Variants in VEPH1 observed in about 807,000 individuals in gnomAD.
The protein encoded by VEPH1 is ventricular zone-expressed PH domain-containing protein homolog 1.
VEPH1 carries 80 observed loss-of-function variants against 85.2 expected under a neutral mutation model. That is an observed-to-expected ratio of 0.94 (90% CI 0.78 to 1.13). The LOEUF is 1.13. VEPH1 is among the 50% of genes most tolerant of loss of function. The pLI, the probability that VEPH1 is intolerant of heterozygous loss-of-function variation, is 0.00. For missense variants in VEPH1, 955 were observed against 980.5 expected, an observed-to-expected ratio of 0.97 and a Z score of 0.35; for synonymous variants, 297 against 348.0, an observed-to-expected ratio of 0.85 and a Z score of 1.63.
intron 12 of VEPH1, among the ~76,000 whole-genome samples, chr3:157,266,408 G>A: frequency 6.6e-6 from 1 of 152,062 alleles, no homozygotes; most frequent in Middle Eastern, 3.2e-3. Context: ...AAATCCAGAT[G>A]AGGGTGGCTT....
intron 2 of VEPH1, among the ~76,000 whole-genome samples, chr3:157,474,569 A>G (rs1245615792): frequency 1.3e-5 from 2 of 152,234 alleles, no homozygotes; most frequent in Non-Finnish European, 1.5e-5. Flanking sequence ...AAATATGCCT[A>G]GTACATAGAG....
In VEPH1 at chr3:157,318,638, A is replaced by AAGAAAGAAAGAAAGACAG. The variant is rs1553763843; in HGVS notation, c.1736-1438_1736-1437insCTGTCTTTCTTTCTTTCT. On this transcript the variant is annotated intron_variant, in intron 9 of 13. Coordinates refer to ENST00000362010, the MANE Select transcript of VEPH1 (RefSeq NM_001167912.2). ...ACAAAACAAAACAAAAAAAAAAAGA[A>AAGAAAGAAAGAAAGACAG]AGAAAGAAAGAAAGAATGAAAGAAA... is the stretch of plus-strand genomic sequence containing the variant. Among the ~76,000 whole-genome samples the AAGAAAGAAAGAAAGACAG allele has an allele frequency of 1.8e-3, 262 of 144,912 alleles. 2 individuals are homozygous for AAGAAAGAAAGAAAGACAG. Among genetic ancestry groups the AAGAAAGAAAGAAAGACAG allele is most frequent in the Middle Eastern group, 0.018 (5 of 282 alleles).
chr3:157,301,481 C>T (rs1179648918), intron 11 of VEPH1, among the ~76,000 whole-genome samples: 1 of 152,086 alleles, frequency 6.6e-6, no homozygotes, highest in East Asian at 1.9e-4. Context: ...CTCTACAATC[C>T]CCCCACTTAC....
chr3:157,470,843 A>G (rs182837181), intron 2 of VEPH1, among the ~76,000 whole-genome samples: 35 of 152,292 alleles, frequency 2.3e-4, no homozygotes, highest in African/African-American at 8.4e-4. Flanking sequence ...TTCTAAGTCC[A>G]TTACAGGGCA....
At chr3:157,304,018 A>ATTTTT (rs373193825) in intron 11 of VEPH1, among the ~76,000 whole-genome samples, 13 of 64,878 alleles carry the variant, frequency 2.0e-4, no homozygotes, top group East Asian at 5.7e-4. Flanking sequence ...CTCATCTTAT[A>ATTTTT]TTTTTTATAT....
At chr3:157,376,195 G>A (rs923763523) in intron 7 of VEPH1, among the ~76,000 whole-genome samples, 1 of 151,996 alleles carries the variant, frequency 6.6e-6, no homozygotes, top group Non-Finnish European at 1.5e-5. Flanking sequence ...ATCCCTCAAA[G>A]TTTCCATCCC....
At chr3:157,360,245 C>T (rs1725894163) in intron 9 of VEPH1, among the ~76,000 whole-genome samples, 1 of 152,144 alleles carries the variant, frequency 6.6e-6, no homozygotes, top group Non-Finnish European at 1.5e-5. Flanking sequence ...TCAGCCTGAG[C>T]TCTTTCTCAG....
chr3:157,336,646 A>G (rs1403030172), intron 9 of VEPH1, among the ~76,000 whole-genome samples: 2 of 152,126 alleles, frequency 1.3e-5, no homozygotes, highest in African/African-American at 4.8e-5. Flanking sequence ...TCAATCAGCT[A>G]TGTTTACCAG....
At chr3:157,297,917 G>C (rs563187534) in intron 11 of VEPH1, among the ~76,000 whole-genome samples, 1 of 152,252 alleles carries the variant, frequency 6.6e-6, no homozygotes, top group South Asian at 2.1e-4. Flanking sequence ...GTGCAATGAA[G>C]TGTGTCCATT....
chr3:157,308,274 C>T (rs933693093), intron 11 of VEPH1, among the ~76,000 whole-genome samples: 2 of 151,902 alleles, frequency 1.3e-5, no homozygotes, highest in Non-Finnish European at 2.9e-5. Context: ...AAGGTGATGA[C>T]AGGTATCCTT....
intron 12 of VEPH1, among the ~76,000 whole-genome samples, chr3:157,272,368 C>T (rs200540547): frequency 0.15 from 17,938 of 119,770 alleles, 2,134 homozygotes; most frequent in Non-Finnish European, 0.22. Flanking sequence ...TTCTTTCTTT[C>T]TCTTTCTTTT....
At chr3:157,490,515 T>C (rs767473101) in intron 2 of VEPH1, among the ~76,000 whole-genome samples, 10 of 151,922 alleles carry the variant, frequency 6.6e-5, no homozygotes, top group Non-Finnish European at 2.9e-5. Context: ...AATAAGCATA[T>C]GAAAAAATGG....
rs1246186678 is a variant in VEPH1 at position 157,495,313 on chromosome 3, C to A, written c.37G>T (p.Asp13Tyr). Residue 13 changes from aspartate to tyrosine, a missense_variant, in exon 2 of 14, where the codon GAT (aspartate) becomes TAT (tyrosine). Physicochemically the swap from Asp to Tyr is radical, Grantham distance 160 (BLOSUM62 -3). Transcript: ENST00000362010. Reference sequence around the variant, plus strand: ...AAGAGGTCCCCAGCTCGTGAAAGATCTTTTTGTCCCAAAACCAGTCTGAAC... The same window carrying A: ...AAGAGGTCCCCAGCTCGTGAAAGATATTTTTGTCCCAAAACCAGTCTGAAC... ...QLFRLVLGQK[D>Y]LSRAGDLFSL... 1.2e-6 allele frequency: 2 copies of A among 1,614,042 alleles called. No homozygotes were observed. The highest frequency in any genetic ancestry group is 1.7e-5 in the Admixed American group (1 of 60,026).
In VEPH1 at chr3:157,463,656, C is replaced by A. The variant is rs535854314; in HGVS notation, c.355-3301G>T. Among the ~76,000 whole-genome samples the A allele has an allele frequency of 2.0e-5, 3 of 152,286 alleles. No homozygotes were observed. In the East Asian group the frequency reaches 5.8e-4, roughly 29 times the overall value. On this transcript the variant is annotated intron_variant, in intron 3 of 13. Coordinates refer to ENST00000362010, the MANE Select transcript of VEPH1 (RefSeq NM_001167912.2). The stretch of plus-strand genomic sequence containing the variant: ...TCAGGGCACGTGCTTGGTTGGAACA[C>A]ACAAAATTGTTTGGACCCACTAAGG...
intron 12 of VEPH1, among the ~76,000 whole-genome samples, chr3:157,277,251 T>C (rs1462967946): frequency 1.3e-5 from 2 of 152,226 alleles, no homozygotes; most frequent in Non-Finnish European, 2.9e-5. Flanking sequence ...ATATCCGATG[T>C]TGGTCCTACT....
chr3:157,267,379 G>A (rs1713854313), intron 12 of VEPH1, among the ~76,000 whole-genome samples: 2 of 151,462 alleles, frequency 1.3e-5, no homozygotes. Context: ...TTACAGGTGT[G>A]AGCCACCATG....
intron 5 of VEPH1, among the ~76,000 whole-genome samples, chr3:157,420,344 G>GA (rs11310414): frequency 2.7e-5 from 4 of 148,444 alleles, no homozygotes; most frequent in East Asian, 2.0e-4. Context: ...AGTTGAAGGA[G>GA]AAAAAAAAAA....
chr3:157,328,773 C>T (rs1307043753), intron 9 of VEPH1, among the ~76,000 whole-genome samples: 1 of 152,172 alleles, frequency 6.6e-6, no homozygotes, highest in Non-Finnish European at 1.5e-5. Flanking sequence ...CTATTCAAAG[C>T]TTCGTGGCAG....
chr3:157,292,044 G>A (rs10755111), intron 11 of VEPH1, among the ~76,000 whole-genome samples: 67,582 of 152,014 alleles, frequency 0.44, 16,041 homozygotes, highest in Admixed American at 0.59. Context: ...GAACAATGAT[G>A]TTTGTCTTAA....
Sources: allele counts gnomAD v4.1 joint callset (sites outside exome capture counted in the v4.1 genomes callset), GRCh38; gene constraint gnomAD v4.1.1; transcripts MANE v1.5; gene names NCBI Gene and HGNC (gene_info 2026-07-23, HGNC 2026-07-21).